IFI30: variants seen among roughly 807,000 people sequenced by gnomAD.
IFI30 encodes gamma-interferon-inducible lysosomal thiol reductase.
In IFI30, 26 loss-of-function variants were observed where a neutral mutation model predicts 30.1. That is an observed-to-expected ratio of 0.87 (90% CI 0.63 to 1.20). The LOEUF (loss-of-function observed/expected upper bound fraction) is 1.20. IFI30 is among the 50% of genes most tolerant of loss of function. IFI30 has a pLI of 0.00. For synonymous variants in IFI30, 149 were observed against 134.5 expected (o/e 1.11, Z -0.75); for missense variants, 296 against 312.5 (o/e 0.95, Z 0.40).
chr19:18,174,978 G>T (rs1244211667), intron 1 of IFI30, 62 bp from the exon 2 acceptor site: 4 of 1,365,848 alleles, frequency 2.9e-6, no homozygotes, highest in Admixed American at 1.9e-5. Context: ...ACCAAGTGGG[G>T]TTGAGAGAAG....
chr19:18,177,558 G>T (rs1301015422), intron 5 of IFI30, 153 bp from the exon 6 acceptor site: 11 of 928,502 alleles, frequency 1.2e-5, no homozygotes, highest in Admixed American at 4.1e-5. Context: ...AACATCCCTA[G>T]CCACCCCCAT....
chr19:18,176,994 G>A, intron 4 of IFI30, 146 bp from the exon 5 acceptor site: 1 of 826,184 alleles, frequency 1.2e-6, no homozygotes, highest in Non-Finnish European at 1.8e-6. Flanking sequence ...TTGAGCACCT[G>A]CTGTTTGTGG....
chr19:18,175,707 G>A lies in IFI30; in HGVS notation c.483+10G>A, dbSNP rs1967262570. The A allele has an allele frequency of 5.0e-6, 8 of 1,591,146 alleles. No homozygotes were observed. The highest frequency in any genetic ancestry group is 1.7e-4 in the Middle Eastern group (1 of 6,014). On this transcript the variant is annotated intron_variant, in intron 4 of 6. Transcript: ENST00000407280. Reference sequence around the variant, plus strand: ...GAGAAGTCTGCCACTAGTGAGTGACGCCCCTCACTCCACCCAAGGAGGGGG... The same window carrying A: ...GAGAAGTCTGCCACTAGTGAGTGACACCCCTCACTCCACCCAAGGAGGGGG...
chr19:18,174,970 C>G (rs951738742), intron 1 of IFI30, 70 bp from the exon 2 acceptor site: 4 of 1,273,732 alleles, frequency 3.1e-6, no homozygotes, highest in Non-Finnish European at 3.3e-6. Context: ...ACAAGACTAC[C>G]AAGTGGGGTT....
rs368679591 is a variant in IFI30 at position 18,175,331 on chromosome 19, G to A, written c.336G>A (p.Arg112=). The A allele has an allele frequency of 6.3e-7, 1 of 1,591,974 alleles. No individual in the cohort carries two copies. Among genetic ancestry groups the A allele is most frequent in the Non-Finnish European group, 8.5e-7 (1 of 1,169,942 alleles). Residue 112 remains arginine, a synonymous_variant, in exon 3 of 7, where the codon AGG becomes AGA. Coordinates refer to ENST00000407280, the MANE Select transcript of IFI30 (RefSeq NM_006332.5). ...GNAQEQNVSG[R]WEFKCQHGEE... ...TGCAGGAACAAAATGTCAGTGGCAG[G>A]TGGGAGTTCAAGTGCCAGCATGGAG...
At chr19:18,176,243 C>T (rs1178888656) in intron 4 of IFI30, among the ~76,000 whole-genome samples, 1 of 144,340 alleles carries the variant, frequency 6.9e-6, no homozygotes, top group Admixed American at 7.4e-5. Flanking sequence ...CAACCACTGT[C>T]TCCTCAGTTT....
intron 4 of IFI30, among the ~76,000 whole-genome samples, chr19:18,176,308 C>T (rs570985403): frequency 6.6e-6 from 1 of 152,086 alleles, no homozygotes; most frequent in South Asian, 2.1e-4. Context: ...GTGTGCACCA[C>T]CATGCCCGGC....
intron 1 of IFI30, 34 bp downstream of exon 1, chr19:18,174,007 G>A: frequency 6.5e-7 from 1 of 1,526,898 alleles, no homozygotes; most frequent in Admixed American, 2.1e-5. Context: ...AGGCTGGAGG[G>A]AACAGGCGCC....
At chr19:18,174,164 T>C (rs1967235272) in intron 1 of IFI30, 191 bp downstream of exon 1, 1 of 570,818 alleles carries the variant, frequency 1.8e-6, no homozygotes, top group Non-Finnish European at 3.0e-6. Flanking sequence ...CCGTTTCGCT[T>C]TCGCATCCCG....
At chr19:18,174,762 C>G (rs1267225338) in intron 1 of IFI30, 1 of 379,360 alleles carries the variant, frequency 2.6e-6, no homozygotes, top group African/African-American at 2.1e-5. Context: ...ATCCCAGCTA[C>G]TCAGGAGGCT....
Position 18,175,217 on chromosome 19 carries a change from G to C in IFI30, c.310G>C (p.Ala104Pro). Reference protein sequence around the residue: ...LNVTLVPYGNAQEQNVSGRWE... With the variant: ...LNVTLVPYGNPQEQNVSGRWE... ...TGTCACGCTGGTGCCCTACGGAAAC[G>C]CACAGGTGTGTGGGCGCTGGGGAAA... The change falls in exon 2 of 7, where the codon GCA becomes CCA. Residue 104 changes from alanine to proline, a missense_variant. Physicochemically the swap from Ala to Pro is conservative, Grantham distance 27. Coordinates refer to ENST00000407280, the MANE Select transcript of IFI30 (RefSeq NM_006332.5). The C allele has an allele frequency of 6.3e-7, 1 of 1,582,232 alleles. No individual in the cohort carries two copies. The highest frequency in any genetic ancestry group is 8.6e-7 in the Non-Finnish European group (1 of 1,164,568).
Position 18,173,814 on chromosome 19 carries a change from C to T in IFI30, c.-28C>T. ...GCGCTTATTTCCCAGGCAGCCGCTG[C>T]AGTCGCCACACCTTTGCCCCTGCTG... On this transcript the variant is annotated 5_prime_UTR_variant, in exon 1 of 7. Coordinates refer to ENST00000407280, the MANE Select transcript of IFI30 (RefSeq NM_006332.5). The T allele has an allele frequency of 6.6e-7, 1 of 1,508,550 alleles. No homozygotes were observed. Among genetic ancestry groups the T allele is most frequent in the East Asian group, 2.6e-5 (1 of 38,878 alleles). 93.4% of individuals were successfully genotyped at this position (1,508,550 alleles called of 1,614,324 possible).
At chr19:18,176,799 G>A (rs1228134999) in intron 4 of IFI30, among the ~76,000 whole-genome samples, 1 of 152,166 alleles carries the variant, frequency 6.6e-6, no homozygotes, top group Non-Finnish European at 1.5e-5. Context: ...GGGCACTGAG[G>A]AGACACTGTG....
intron 4 of IFI30, among the ~76,000 whole-genome samples, chr19:18,176,065 A>G (rs1600002558): frequency 7.3e-6 from 1 of 137,874 alleles, no homozygotes; most frequent in South Asian, 2.3e-4. Flanking sequence ...CTTGTCTTGA[A>G]CTCCTGACCT....
chr19:18,177,292 G>A lies in IFI30; in HGVS notation c.636G>A (p.Gly212=), dbSNP rs1600004355. 1.3e-6 allele frequency: 2 copies of A among 1,580,022 alleles called. No homozygotes were observed. The highest frequency in any genetic ancestry group is 2.3e-5 in the East Asian group (1 of 43,372). ...ATGTGCCCTGGGTCACCGTCAATGG[G>A]GTAAGAATCTTTTTAGCCCTCAGCT... ...HEYVPWVTVN[G]KPLEDQTQLL... The change falls in exon 5 of 7, where the codon GGG becomes GGA. Residue 212 remains glycine, a splice_region_variant and synonymous_variant. Coordinates refer to ENST00000407280, the MANE Select transcript of IFI30 (RefSeq NM_006332.5).
intron 5 of IFI30, 67 bp from the exon 6 acceptor site, chr19:18,177,644 C>T (rs1330970718): frequency 1.3e-6 from 2 of 1,575,712 alleles, no homozygotes; most frequent in African/African-American, 2.7e-5. Flanking sequence ...CCTTTCTGGG[C>T]TGGAACCAGG....
chr19:18,176,377 C>T (rs1238999539), intron 4 of IFI30, among the ~76,000 whole-genome samples: 1 of 151,966 alleles, frequency 6.6e-6, no homozygotes, highest in Non-Finnish European at 1.5e-5. Flanking sequence ...TGGTCTCAAA[C>T]TCCTGACCTC....
Position 18,175,587 on chromosome 19 carries a change from C to T in IFI30, c.391-18C>T, listed in dbSNP as rs1967259920. ...AGGCCCTCTTCATGCCCTCTCCTGC[C>T]CCCTCTCCAAACCCCAGGCCTGCGT... is the stretch of plus-strand genomic sequence containing the variant. On this transcript the variant is annotated intron_variant, in intron 3 of 6. Coordinates refer to ENST00000407280, the MANE Select transcript of IFI30 (RefSeq NM_006332.5). 6.3e-7 allele frequency: 1 copy of T among 1,596,992 alleles called. No homozygotes were observed.
At chr19:18,175,270 GA>G in intron 2 of IFI30, 40 bp from the exon 3 acceptor site, 1 of 1,575,552 alleles carries the variant, frequency 6.3e-7, no homozygotes, top group Non-Finnish European at 8.6e-7. Flanking sequence ...GGGAGCAGGG[GA>G]CCCAGCCTAC....
Sources: allele counts gnomAD v4.1 joint callset (sites outside exome capture counted in the v4.1 genomes callset), GRCh38; gene constraint gnomAD v4.1.1; transcripts MANE v1.5; gene names NCBI Gene and HGNC (gene_info 2026-07-23, HGNC 2026-07-21).